EYS: variants seen among roughly 807,000 people sequenced by gnomAD.
EYS encodes EGF-like photoreceptor maintenance factor.
A neutral mutation model predicts 282.1 loss-of-function variants in EYS; 250 were observed. The ratio of observed to expected loss-of-function variants is 0.89; its 90% CI spans 0.80 to 0.98. EYS has a LOEUF of 0.98. Among genes scored for constraint, EYS ranks in the 50% least tolerant of loss-of-function variants. EYS has a pLI of 0.00. For synonymous variants in EYS, 1,355 were observed against 1,282.9 expected, an observed-to-expected ratio of 1.06 and a Z score of -1.20; for missense variants, 4,016 against 3,709.0, an observed-to-expected ratio of 1.08 and a Z score of -2.15.
chr6:64,345,395 T>C (rs1771343504), intron 29 of EYS, among the ~76,000 whole-genome samples: 3 of 151,656 alleles, frequency 2.0e-5, no homozygotes, highest in South Asian at 2.1e-4. Flanking sequence ...GAAATAATGC[T>C]GCATATCTAC....
chr6:63,801,553 G>A lies in EYS; in HGVS notation c.7411+4637C>T, dbSNP rs184543605. Among the ~76,000 whole-genome samples the A allele has an allele frequency of 2.0e-4, 30 of 152,258 alleles. 1 individual carries two copies. The highest frequency in any genetic ancestry group is 5.9e-4 in the Admixed American group (9 of 15,288). ...GAGGGGAAGTCATGTATTCATCTGT[G>A]GACTACTGTGGGATATATAGGGTGG... On this transcript the variant is annotated intron_variant, in intron 37 of 42. Coordinates refer to ENST00000503581, the MANE Select transcript of EYS (RefSeq NM_001142800.2).
At chr6:64,334,888 T>A (rs1770784376) in intron 29 of EYS, among the ~76,000 whole-genome samples, 1 of 152,062 alleles carries the variant, frequency 6.6e-6, no homozygotes, top group South Asian at 2.1e-4. Context: ...ATGGTTTTCA[T>A]GGTTTGGAGG....
intron 5 of EYS, among the ~76,000 whole-genome samples, chr6:65,482,371 A>T (rs1714103258): frequency 1.3e-5 from 2 of 152,218 alleles, no homozygotes; most frequent in African/African-American, 2.4e-5. Flanking sequence ...ATTATTTTTT[A>T]AAATTCCACT....
chr6:64,549,661 C>G (rs915504915), intron 26 of EYS, among the ~76,000 whole-genome samples: 1 of 151,446 alleles, frequency 6.6e-6, no homozygotes, highest in African/African-American at 2.4e-5. Context: ...GCTGACTCTT[C>G]ATGTGATTTC....
At chr6:65,511,723 C>T (rs1766875033) in intron 2 of EYS, among the ~76,000 whole-genome samples, 1 of 151,970 alleles carries the variant, frequency 6.6e-6, no homozygotes, top group African/African-American at 2.4e-5. Context: ...TAGACTGAGA[C>T]AGGGGGCTCA....
At chr6:64,112,003 A>G (rs1773220045) in intron 31 of EYS, among the ~76,000 whole-genome samples, 1 of 152,100 alleles carries the variant, frequency 6.6e-6, no homozygotes, top group Non-Finnish European at 1.5e-5. Flanking sequence ...ATTTTAATTG[A>G]GTTGCTCTGT....
chr6:64,549,016 GT>G (rs1011301905), intron 26 of EYS, among the ~76,000 whole-genome samples: 8 of 152,138 alleles, frequency 5.3e-5, no homozygotes, highest in African/African-American at 1.9e-4. Flanking sequence ...GCTATGGCAT[GT>G]TTGATTTGAG....
chr6:65,113,669 A>G, intron 12 of EYS, among the ~76,000 whole-genome samples: 1 of 151,626 alleles, frequency 6.6e-6, no homozygotes, highest in Non-Finnish European at 1.5e-5. Flanking sequence ...GAATTCTTAT[A>G]TTGTTGAATG....
At chr6:64,151,362 T>TATATATATATATAA (rs1491484712) in intron 31 of EYS, among the ~76,000 whole-genome samples, 1 of 108,826 alleles carries the variant, frequency 9.2e-6, no homozygotes, top group East Asian at 2.5e-4. Context: ...TATATATATA[T>TATATATATATATAA]AATTTTTTTT....
intron 22 of EYS, among the ~76,000 whole-genome samples, chr6:64,661,832 T>C (rs371025603): frequency 4.3e-5 from 6 of 138,724 alleles, no homozygotes; most frequent in African/African-American, 1.7e-4. Context: ...TGGCAATTCC[T>C]CAGGGATCTA....
intron 22 of EYS, among the ~76,000 whole-genome samples, chr6:64,630,553 A>G (rs1767746464): frequency 6.6e-6 from 1 of 152,204 alleles, no homozygotes; most frequent in African/African-American, 2.4e-5. Context: ...TGATTGATAC[A>G]GTCATGTGTA....
intron 35 of EYS, among the ~76,000 whole-genome samples, chr6:63,955,013 G>A (rs1340413280): frequency 6.6e-6 from 1 of 152,140 alleles, no homozygotes; most frequent in Non-Finnish European, 1.5e-5. Context: ...ATTTGCCCCT[G>A]TGAAGGACTG....
intron 26 of EYS, among the ~76,000 whole-genome samples, chr6:64,582,082 A>T (rs1417366740): frequency 6.6e-6 from 1 of 152,174 alleles, no homozygotes; most frequent in Non-Finnish European, 1.5e-5. Flanking sequence ...CATAGTAAGT[A>T]TTCTGGGCTT....
chr6:63,997,519 C>T lies in EYS; in HGVS notation c.6834+1556G>A, dbSNP rs143003007. 2.9e-3 allele frequency among the ~76,000 whole-genome samples: 449 copies of T among 152,246 alleles called. 3 individuals carry two copies. The highest frequency in any genetic ancestry group is 0.01 in the African/African-American group (424 of 41,542). On this transcript the variant is annotated intron_variant, in intron 34 of 42. Coordinates refer to ENST00000503581, the MANE Select transcript of EYS (RefSeq NM_001142800.2). Reference sequence around the variant, plus strand: ...TAAAAGCATGTGACAGCTCCTGTAGCGGCAGCAGGGAACAGCCACCGAGGC... The same window carrying T: ...TAAAAGCATGTGACAGCTCCTGTAGTGGCAGCAGGGAACAGCCACCGAGGC...
chr6:64,074,994 C>T (rs2149862727), intron 32 of EYS, among the ~76,000 whole-genome samples: 1 of 152,040 alleles, frequency 6.6e-6, no homozygotes, highest in South Asian at 2.1e-4. Context: ...ACGTTTCAAT[C>T]AGGGCTACCT....
At chr6:65,018,016 A>C (rs1772109680) in intron 13 of EYS, among the ~76,000 whole-genome samples, 1 of 152,204 alleles carries the variant, frequency 6.6e-6, no homozygotes, top group South Asian at 2.1e-4. Flanking sequence ...GTCTAATGAC[A>C]GGTGAATTTA....
chr6:64,879,344 A>G (rs9345563), intron 19 of EYS, among the ~76,000 whole-genome samples: 23,587 of 152,078 alleles, frequency 0.16, 2,156 homozygotes, highest in East Asian at 0.49. Flanking sequence ...TAGCATTTTG[A>G]TGGTTCTCTC....
At chr6:64,978,284 T>C (rs115264935) in intron 14 of EYS, among the ~76,000 whole-genome samples, 1 of 152,040 alleles carries the variant, frequency 6.6e-6, no homozygotes, top group Non-Finnish European at 1.5e-5. Context: ...TTAATAATTA[T>C]GCTAGATCCA....
intron 12 of EYS, among the ~76,000 whole-genome samples, chr6:65,145,611 A>G (rs906836586): frequency 1.3e-5 from 2 of 152,088 alleles, no homozygotes; most frequent in Non-Finnish European, 2.9e-5. Flanking sequence ...TAATCAATAC[A>G]TAATGGCAAT....
Sources: allele counts gnomAD v4.1 joint callset (sites outside exome capture counted in the v4.1 genomes callset), GRCh38; gene constraint gnomAD v4.1.1; transcripts MANE v1.5; gene names NCBI Gene and HGNC (gene_info 2026-07-23, HGNC 2026-07-21).